RBMS1: variants seen among roughly 807,000 people sequenced by gnomAD.
RBMS1 encodes RNA binding motif single stranded interacting protein 1, also known as RNA-binding motif, single-stranded-interacting protein 1.
A neutral mutation model predicts 62.3 loss-of-function variants in RBMS1; 17 were observed. The ratio of observed to expected loss-of-function variants is 0.27; its 90% CI spans 0.19 to 0.41. RBMS1 has a LOEUF of 0.41. Among genes scored for constraint, RBMS1 ranks in the 10% least tolerant of loss-of-function variants. RBMS1 has a pLI of 1.00. For synonymous variants in RBMS1, 172 were observed against 170.0 expected (o/e 1.01, Z -0.09); for missense variants, 334 against 504.5 (o/e 0.66, Z 3.24).
At chr2:160,439,172 G>T (rs1055314845) in intron 1 of RBMS1, among the ~76,000 whole-genome samples, 24 of 151,098 alleles carry the variant, frequency 1.6e-4, no homozygotes, top group South Asian at 4.2e-4. Flanking sequence ...TCCCGGACGG[G>T]GCGGCTGGCC....
intron 1 of RBMS1, among the ~76,000 whole-genome samples, chr2:160,414,379 A>G (rs184282035): frequency 6.4e-4 from 98 of 152,106 alleles, no homozygotes; most frequent in Middle Eastern, 3.4e-3. Flanking sequence ...CTTCTGGGAT[A>G]TTGTAGGATG....
chr2:160,451,166 A>AAAT (rs1683973373), intron 1 of RBMS1, among the ~76,000 whole-genome samples: 44 of 150,504 alleles, frequency 2.9e-4, no homozygotes, highest in African/African-American at 8.7e-4. Context: ...CAGAAAAAAA[A>AAAT]AAATAAATAA....
rs1687894182 is a variant in RBMS1, at chr2:160,277,403, C to T, written c.1063-20G>A. On this transcript the variant is annotated intron_variant, in intron 11 of 13. Transcript: ENST00000348849. ...CATGTACTAGAAAGAAGAATGAGGT[C>T]AGAATGGGCAATGGTAAACCATGCA... 1 of 1,585,680 alleles carries T rather than the reference C, an allele frequency of 6.3e-7. No individual in the cohort carries two copies. The highest frequency in any genetic ancestry group is 8.7e-7 in the Non-Finnish European group (1 of 1,154,558).
chr2:160,475,253 C>CATTCGCCTCTCCACCT (rs1371004236), intron 1 of RBMS1, among the ~76,000 whole-genome samples: 29 of 152,338 alleles, frequency 1.9e-4, no homozygotes, highest in African/African-American at 7.0e-4. Flanking sequence ...TCCCACACTT[C>CATTCGCCTCTCCACCT]ATTCGCCTCT....
At chr2:160,365,072 A>G (rs898814688) in intron 2 of RBMS1, among the ~76,000 whole-genome samples, 1 of 152,082 alleles carries the variant, frequency 6.6e-6, no homozygotes, top group Non-Finnish European at 1.5e-5. Flanking sequence ...TGTCACTTCT[A>G]TGTCACCAAC....
chr2:160,455,544 A>C (rs1684183051), intron 1 of RBMS1, among the ~76,000 whole-genome samples: 1 of 152,220 alleles, frequency 6.6e-6, no homozygotes, highest in Non-Finnish European at 1.5e-5. Context: ...TGCTGCATGG[A>C]TACTATTTAC....
chr2:160,341,641 TGTCCC>T (rs1306649318), intron 2 of RBMS1, among the ~76,000 whole-genome samples: 1 of 152,196 alleles, frequency 6.6e-6, no homozygotes, highest in Non-Finnish European at 1.5e-5. Flanking sequence ...TCAAGGACAT[TGTCCC>T]TGTTTTTAGG....
intron 1 of RBMS1, among the ~76,000 whole-genome samples, chr2:160,443,568 A>C (rs1683510910): frequency 1.4e-5 from 2 of 147,142 alleles, no homozygotes; most frequent in Non-Finnish European, 3.0e-5. Flanking sequence ...CCCCACCCCC[A>C]CTCTCTCTCT....
chr2:160,282,887 A>C (rs1022523287), intron 9 of RBMS1: 1 of 152,244 alleles, frequency 6.6e-6, no homozygotes, highest in African/African-American at 2.4e-5. Flanking sequence ...CCCTGAACTT[A>C]TGTAGTTAAA....
At chr2:160,441,916 T>C (rs1559555147) in intron 1 of RBMS1, among the ~76,000 whole-genome samples, 1 of 152,364 alleles carries the variant, frequency 6.6e-6, no homozygotes, top group East Asian at 1.9e-4. Context: ...TATCTAATGA[T>C]GTGAAGCACC....
intron 1 of RBMS1, among the ~76,000 whole-genome samples, chr2:160,410,699 TATC>T (rs990508729): frequency 1.3e-5 from 2 of 152,166 alleles, no homozygotes; most frequent in African/African-American, 4.8e-5. Context: ...GACTGCAAGT[TATC>T]ATGGTAAAAA....
chr2:160,371,735 C>CAA (rs1395262300), intron 1 of RBMS1, among the ~76,000 whole-genome samples: 2 of 152,018 alleles, frequency 1.3e-5, no homozygotes, highest in African/African-American at 4.8e-5. Context: ...GGACAGCACT[C>CAA]AGAGAGCACG....
chr2:160,477,731 A>G (rs1685201794), intron 1 of RBMS1, among the ~76,000 whole-genome samples: 2 of 152,236 alleles, frequency 1.3e-5, no homozygotes, highest in Non-Finnish European at 2.9e-5. Flanking sequence ...TTCCAGGGAT[A>G]ATAATTCCTC....
intron 2 of RBMS1, 151 bp from the exon 3 acceptor site, chr2:160,318,378 A>G: frequency 8.2e-7 from 1 of 1,214,012 alleles, no homozygotes; most frequent in Non-Finnish European, 1.1e-6. Flanking sequence ...ACTAAGAGAC[A>G]GGAAATGAGA....
intron 2 of RBMS1, 54 bp downstream of exon 2, chr2:160,367,162 A>G: frequency 1.3e-6 from 2 of 1,548,212 alleles, no homozygotes; most frequent in South Asian, 2.2e-5. Context: ...TCACTCTATA[A>G]TATGATCAAG....
chr2:160,435,430 G>T (rs1428639480), intron 1 of RBMS1, among the ~76,000 whole-genome samples: 1 of 152,154 alleles, frequency 6.6e-6, no homozygotes, highest in Non-Finnish European at 1.5e-5. Flanking sequence ...TTTGCCAAAG[G>T]TGACCCGAAC....
At chr2:160,480,617 A>G (rs1192640455) in intron 1 of RBMS1, among the ~76,000 whole-genome samples, 7 of 152,234 alleles carry the variant, frequency 4.6e-5, no homozygotes, top group Non-Finnish European at 8.8e-5. Flanking sequence ...TAGTGTTAAT[A>G]TATCAATTCT....
chr2:160,444,029 AG>A (rs2105307591), intron 1 of RBMS1, among the ~76,000 whole-genome samples: 1 of 152,300 alleles, frequency 6.6e-6, no homozygotes, highest in East Asian at 1.9e-4. Context: ...AACTCTCTTT[AG>A]GAAGAGTCCA....
chr2:160,407,203 C>CCT (rs1338694753), intron 1 of RBMS1, among the ~76,000 whole-genome samples: 1 of 152,172 alleles, frequency 6.6e-6, no homozygotes, highest in East Asian at 1.9e-4. Context: ...GCCCCCGGCC[C>CCT]GGCGCGCTTC....
Sources: allele counts gnomAD v4.1 joint callset (sites outside exome capture counted in the v4.1 genomes callset), GRCh38; gene constraint gnomAD v4.1.1; transcripts MANE v1.5; gene names NCBI Gene and HGNC (gene_info 2026-07-23, HGNC 2026-07-21).